Variants in TUSC3 observed in about 807,000 individuals in gnomAD.
TUSC3 encodes tumor suppressor candidate 3.
Under a neutral mutation model 44.8 loss-of-function variants are expected in TUSC3, and 45 were observed. The observed-to-expected ratio is 1.00, with a 90% CI of 0.79 to 1.29. The LOEUF (loss-of-function observed/expected upper bound fraction) is 1.29, where lower values mean the gene tolerates loss of function less well. Among genes scored for constraint, TUSC3 ranks in the 50% most tolerant of loss-of-function variants. The pLI, the probability that TUSC3 is intolerant of heterozygous loss-of-function variation, is 0.00. For synonymous variants in TUSC3, 212 were observed against 152.9 expected, an observed-to-expected ratio of 1.39 and a Z score of -2.85; for missense variants, 519 against 437.9, an observed-to-expected ratio of 1.19 and a Z score of -1.65.
At chr8:15,620,941 G>A (rs543967773) in intron 1 of TUSC3, among the ~76,000 whole-genome samples, 1 of 152,190 alleles carries the variant, frequency 6.6e-6, no homozygotes, top group East Asian at 1.9e-4. Context: ...AAAACAGTAA[G>A]ATTATTGTAG....
intron 1 of TUSC3, among the ~76,000 whole-genome samples, chr8:15,459,874 GTA>G: frequency 7.0e-6 from 1 of 143,328 alleles, no homozygotes; most frequent in Admixed American, 6.9e-5. Context: ...GTGTGTGTGT[GTA>G]TACATACATA....
At chr8:15,547,251 G>T (rs1020695493) in intron 1 of TUSC3, among the ~76,000 whole-genome samples, 13 of 151,516 alleles carry the variant, frequency 8.6e-5, no homozygotes, top group African/African-American at 3.1e-4. Flanking sequence ...GGAAATATTT[G>T]TGATTTTAGA....
chr8:15,773,120 G>T, the TUSC3 span, among the ~76,000 whole-genome samples: 1 of 152,150 alleles, frequency 6.6e-6, no homozygotes, highest in Non-Finnish European at 1.5e-5. Flanking sequence ...GCATTATTCT[G>T]TGTGTTCTAG....
At chr8:15,578,954 T>G (rs1404251308) in intron 1 of TUSC3, among the ~76,000 whole-genome samples, 1 of 152,152 alleles carries the variant, frequency 6.6e-6, no homozygotes, top group Non-Finnish European at 1.5e-5. Context: ...CCTGGACTCT[T>G]TTTGGCTGGT....
intron 1 of TUSC3, among the ~76,000 whole-genome samples, chr8:15,555,570 C>T (rs575518802): frequency 6.6e-6 from 1 of 151,466 alleles, no homozygotes; most frequent in Admixed American, 6.6e-5. Context: ...GCTGGGATTA[C>T]AGTATTACAG....
intron 1 of TUSC3, among the ~76,000 whole-genome samples, chr8:15,445,198 T>G (rs1800078247): frequency 1.3e-5 from 2 of 152,186 alleles, no homozygotes; most frequent in Non-Finnish European, 1.5e-5. Flanking sequence ...TAGGGATGAC[T>G]AAGAATGACA....
At position 15,513,295 on chromosome 8, in the gene TUSC3, T is replaced by TA. The variant is rs529015030; in HGVS notation, n.189+29820dup. ...TAAGCAACTTGACTATAGTCATGGGTAAAAAAAACTTACTCATAAAAAATA... is the reference window on the plus strand; with the variant it reads ...TAAGCAACTTGACTATAGTCATGGGTAAAAAAAAACTTACTCATAAAAAATA... On this transcript the variant is annotated intron_variant and non_coding_transcript_variant, in intron 2 of 5. Coordinates refer to the TUSC3 transcript ENST00000503191. 5.3e-5 allele frequency among the ~76,000 whole-genome samples: 8 copies of TA among 151,956 alleles called. No individual in the cohort carries two copies. In the South Asian group the frequency reaches 8.3e-4, roughly 16 times the overall value.
intron 2 of TUSC3, among the ~76,000 whole-genome samples, chr8:15,501,875 T>C (rs1015373213): frequency 6.6e-5 from 10 of 152,224 alleles, no homozygotes; most frequent in Admixed American, 2.6e-4. Context: ...AAAAAGTATT[T>C]AATAACACAG....
At position 15,759,749 on chromosome 8, in the gene TUSC3, T is replaced by C. The variant is rs182124984; in HGVS notation, c.*46+1894T>C. On this transcript the variant is annotated intron_variant, in intron 10 of 10. Transcript: ENST00000503731. ...ATTATTTCTCAGTCCTGAATATACATTATCAAGTCCTGACCTTTCTCATGA... is the reference window on the plus strand; with the variant it reads ...ATTATTTCTCAGTCCTGAATATACACTATCAAGTCCTGACCTTTCTCATGA... Among the ~76,000 whole-genome samples the C allele has an allele frequency of 2.6e-5, 4 of 152,268 alleles. No individual in the cohort carries two copies. The East Asian group carries it at 7.8e-4, about 30-fold the overall frequency.
intron 6 of TUSC3, among the ~76,000 whole-genome samples, chr8:15,676,486 C>T (rs1298179027): frequency 2.0e-5 from 3 of 152,096 alleles, no homozygotes; most frequent in African/African-American, 7.2e-5. Flanking sequence ...TTAGGTCCCA[C>T]TTGACTATTT....
intron 6 of TUSC3, among the ~76,000 whole-genome samples, chr8:15,722,227 TA>T (rs1563190287): frequency 6.6e-6 from 1 of 151,760 alleles, no homozygotes. Flanking sequence ...GTTTCCTTAG[TA>T]TTGATGGGTT....
intron 6 of TUSC3, among the ~76,000 whole-genome samples, chr8:15,727,984 T>C (rs2129207033): frequency 6.6e-6 from 1 of 152,324 alleles, no homozygotes; most frequent in Non-Finnish European, 1.5e-5. Flanking sequence ...TCCTCTCTCC[T>C]GCCTTATGTA....
chr8:15,802,100 C>T, the TUSC3 span, among the ~76,000 whole-genome samples: 6 of 152,150 alleles, frequency 3.9e-5, no homozygotes, highest in Admixed American at 2.6e-4. Flanking sequence ...TCCGTTCATG[C>T]GCCTGTGAAG....
intron 2 of TUSC3, among the ~76,000 whole-genome samples, chr8:15,628,427 T>A (rs2129166891): frequency 6.6e-6 from 1 of 152,306 alleles, no homozygotes. Context: ...ACTTTTTTCA[T>A]TTATTTGCTT....
chr8:15,507,749 C>G (rs1388619489), intron 2 of TUSC3, among the ~76,000 whole-genome samples: 3 of 150,874 alleles, frequency 2.0e-5, no homozygotes, highest in Non-Finnish European at 4.4e-5. Context: ...AGTCTTTGTA[C>G]TCTTTAACAG....
At chr8:15,610,451 C>G (rs1431137643) in intron 1 of TUSC3, among the ~76,000 whole-genome samples, 2 of 151,994 alleles carry the variant, frequency 1.3e-5, no homozygotes, top group African/African-American at 4.8e-5. Flanking sequence ...TCACTGCTTC[C>G]TTTATTAATT....
At chr8:15,475,674 C>T (rs1215481663) in intron 1 of TUSC3, among the ~76,000 whole-genome samples, 4 of 152,050 alleles carry the variant, frequency 2.6e-5, no homozygotes, top group East Asian at 3.9e-4. Flanking sequence ...TTTACATAAT[C>T]ATTTTGGTTT....
chr8:15,686,070 C>G (rs1362795762), intron 6 of TUSC3, among the ~76,000 whole-genome samples: 3 of 151,956 alleles, frequency 2.0e-5, no homozygotes, highest in Non-Finnish European at 4.4e-5. Flanking sequence ...TTGTTTGTCA[C>G]TATTAAGATA....
At chr8:15,758,298 T>G (rs1812018129) in intron 10 of TUSC3, 1 of 962,328 alleles carries the variant, frequency 1.0e-6, no homozygotes, top group African/African-American at 1.8e-5. Flanking sequence ...ACTGAAAACT[T>G]TTTTAAAATC....
Sources: allele counts gnomAD v4.1 joint callset (sites outside exome capture counted in the v4.1 genomes callset), GRCh38; gene constraint gnomAD v4.1.1; transcripts MANE v1.5; gene names NCBI Gene and HGNC (gene_info 2026-07-23, HGNC 2026-07-21).